Variants in CXADR observed in about 807,000 individuals in gnomAD.
CXADR encodes CXADR cell adhesion molecule.
In CXADR, 20 loss-of-function variants were observed where a neutral mutation model predicts 40.3. The ratio of observed to expected loss-of-function variants is 0.50; its 90% confidence interval spans 0.35 to 0.72. The LOEUF (loss-of-function observed/expected upper bound fraction) is 0.72. Among genes scored for constraint, CXADR ranks in the 30% least tolerant of loss-of-function variants. The pLI, the probability that CXADR is intolerant of heterozygous loss-of-function variation, is 0.01. For synonymous variants in CXADR, 150 were observed against 161.3 expected (o/e 0.93, Z 0.53); for missense variants, 332 against 449.1 (o/e 0.74, Z 2.36).
At chr21:17,561,813 T>C (rs886713773) in intron 6 of CXADR, among the ~76,000 whole-genome samples, 1 of 152,166 alleles carries the variant, frequency 6.6e-6, no homozygotes, top group African/African-American at 2.4e-5. Flanking sequence ...ACTGACCTGA[T>C]TGTATCAAGT....
At chr21:17,516,078 A>G (rs1188490121) in intron 1 of CXADR, among the ~76,000 whole-genome samples, 1 of 152,186 alleles carries the variant, frequency 6.6e-6, no homozygotes, top group African/African-American at 2.4e-5. Flanking sequence ...AGTAGTAGTA[A>G]AATTAAACCC....
chr21:17,520,091 A>G (rs2060511417), intron 1 of CXADR, among the ~76,000 whole-genome samples: 2 of 152,066 alleles, frequency 1.3e-5, no homozygotes, highest in Non-Finnish European at 2.9e-5. Flanking sequence ...CAACTGCGTA[A>G]CTATTCAACT....
chr21:17,547,818 A>G (rs910711036), intron 2 of CXADR, among the ~76,000 whole-genome samples: 4 of 152,166 alleles, frequency 2.6e-5, no homozygotes, highest in Non-Finnish European at 5.9e-5. Flanking sequence ...CTTTAGAGCA[A>G]AAAACAATCT....
In CXADR at chr21:17,566,380, A is replaced by ATC. The variant is rs1310144352; in HGVS notation, c.*690_*691dup. On this transcript the variant is annotated 3_prime_UTR_variant, in exon 7 of 7. Transcript: ENST00000284878. ...AAGCTCTTTTATATGCTAAAGGAGCATCTATCAGATTAAGTTAGAACATTT... is the reference window on the plus strand; with the variant it reads ...AAGCTCTTTTATATGCTAAAGGAGCATCTCTATCAGATTAAGTTAGAACATTT... 1.0e-6 allele frequency: 1 copy of ATC among 985,146 alleles called. No individual in the cohort carries two copies. The highest frequency in any genetic ancestry group is 1.7e-5 in the African/African-American group (1 of 57,240). 61.0% of individuals were successfully genotyped at this position (985,146 alleles called of 1,614,324 possible). A position where few individuals can be genotyped will look rare whatever the true frequency, so the allele number is the denominator to read the frequency against.
chr21:17,525,483 TC>T (rs1944007460), intron 1 of CXADR, among the ~76,000 whole-genome samples: 1 of 152,204 alleles, frequency 6.6e-6, no homozygotes, highest in Admixed American at 6.5e-5. Flanking sequence ...CCACCTTTGT[TC>T]AGTTGTTGGA....
At chr21:17,555,936 T>G (rs1196417211) in intron 3 of CXADR, among the ~76,000 whole-genome samples, 1 of 152,204 alleles carries the variant, frequency 6.6e-6, no homozygotes, top group Non-Finnish European at 1.5e-5. Flanking sequence ...CTGTCTCATG[T>G]AGGGATTTAG....
At chr21:17,593,094 T>C (rs1002408924) in intron 7 of CXADR, 3 of 1,282,784 alleles carry the variant, frequency 2.3e-6, no homozygotes, top group East Asian at 3.0e-5. Flanking sequence ...TTTTAAAAAT[T>C]TACCTTTGGA....
intron 1 of CXADR, among the ~76,000 whole-genome samples, chr21:17,540,904 A>G (rs1048348836): frequency 1.3e-5 from 2 of 152,150 alleles, no homozygotes; most frequent in Non-Finnish European, 2.9e-5. Flanking sequence ...CGTTATTCTA[A>G]TTTATATTTA....
At chr21:17,525,002 GAAGAA>G (rs1384874624) in intron 1 of CXADR, among the ~76,000 whole-genome samples, 1 of 152,168 alleles carries the variant, frequency 6.6e-6, no homozygotes, top group Non-Finnish European at 1.5e-5. Context: ...GGTGTTTGCA[GAAGAA>G]AAGACTTTCT....
At chr21:17,602,737 T>C in the CXADR span, among the ~76,000 whole-genome samples, 1 of 152,162 alleles carries the variant, frequency 6.6e-6, no homozygotes, top group Non-Finnish European at 1.5e-5. Flanking sequence ...AGTAGCAGTT[T>C]TTTCCTACCA....
At chr21:17,545,771 G>GTTTT (rs147395162) in intron 1 of CXADR, among the ~76,000 whole-genome samples, 3 of 137,066 alleles carry the variant, frequency 2.2e-5, no homozygotes, top group African/African-American at 2.5e-5. Context: ...TCAACTATTT[G>GTTTT]GTTTTTTTTG....
the CXADR span, among the ~76,000 whole-genome samples, chr21:17,600,687 A>T: frequency 2.5e-4 from 38 of 152,186 alleles, no homozygotes; most frequent in African/African-American, 8.9e-4. Context: ...ACAAAAAATT[A>T]AAAAAACAGA....
chr21:17,587,314 A>AC, intron 7 of CXADR, among the ~76,000 whole-genome samples: 1 of 152,108 alleles, frequency 6.6e-6, no homozygotes, highest in South Asian at 2.1e-4. Context: ...GAATCGCCAC[A>AC]CTGACTTCCA....
chr21:17,598,780 T>G, the CXADR span: 1 of 1,614,170 alleles, frequency 6.2e-7, no homozygotes, highest in East Asian at 2.2e-5. Flanking sequence ...CTCATCTTTA[T>G]TTTCAAAGCT....
intron 1 of CXADR, among the ~76,000 whole-genome samples, chr21:17,542,412 C>T (rs1600988462): frequency 6.6e-6 from 1 of 152,272 alleles, no homozygotes; most frequent in South Asian, 2.1e-4. Flanking sequence ...ACCAGATCTT[C>T]TAAGGCCTTA....
intron 1 of CXADR, among the ~76,000 whole-genome samples, chr21:17,545,666 G>A (rs114857932): frequency 0.021 from 3,237 of 151,708 alleles, 132 homozygotes; most frequent in African/African-American, 0.071. Flanking sequence ...ATTTTAAGAC[G>A]TCTTTTATAA....
chr21:17,550,048 C>T (rs751423234), intron 2 of CXADR, among the ~76,000 whole-genome samples: 5 of 152,056 alleles, frequency 3.3e-5, no homozygotes, highest in African/African-American at 4.8e-5. Flanking sequence ...CCTAGATGCA[C>T]ACAGTTCATA....
Position 17,547,148 on chromosome 21 carries a change from C to G in CXADR, c.165C>G (p.Ile55Met), listed in dbSNP as rs61750210. The change falls in exon 2 of 7, where the codon ATC (isoleucine) becomes ATG (methionine). Residue 55 changes from isoleucine to methionine, a missense_variant. Transcript: ENST00000284878. ...CCGAAGACCAGGGACCGCTGGACAT[C>G]GAGTGGCTGATATCACCAGCTGATA... is the stretch of plus-strand genomic sequence containing the variant. ...LSPEDQGPLD[I>M]EWLISPADNQ... 1.9e-6 allele frequency: 3 copies of G among 1,614,140 alleles called. No homozygotes were observed. Among genetic ancestry groups the G allele is most frequent in the Non-Finnish European group, 2.5e-6 (3 of 1,180,038 alleles).
chr21:17,594,122 T>C, downstream of CXADR: 1 of 1,613,170 alleles, frequency 6.2e-7, no homozygotes, highest in Non-Finnish European at 8.5e-7. Context: ...TGAGGATTAA[T>C]CCAGTGATTC....
Sources: gnomAD v4.1 joint callset for allele counts (sites outside exome capture counted in the v4.1 genomes callset) on GRCh38, gnomAD v4.1.1 for gene constraint, MANE v1.5 for transcripts, NCBI Gene and HGNC (gene_info 2026-07-23, HGNC 2026-07-21) for gene names.